Variants in CRPPA observed in about 807,000 individuals in gnomAD.
The protein encoded by CRPPA is CDP-L-ribitol pyrophosphorylase A.
In CRPPA, 43 loss-of-function variants were observed where a neutral mutation model predicts 52.0. The observed-to-expected ratio is 0.83, with a 90% CI of 0.65 to 1.07. The LOEUF (loss-of-function observed/expected upper bound fraction) is 1.07, where lower values mean the gene tolerates loss of function less well. Among genes scored for constraint, CRPPA ranks in the 50% least tolerant of loss-of-function variants. CRPPA has a pLI of 0.00. For synonymous variants in CRPPA, 250 were observed against 203.5 expected, an observed-to-expected ratio of 1.23 and a Z score of -1.94; for missense variants, 629 against 551.7, an observed-to-expected ratio of 1.14 and a Z score of -1.40.
chr7:16,168,929 C>T (rs1781121769), intron 9 of CRPPA, among the ~76,000 whole-genome samples: 1 of 152,062 alleles, frequency 6.6e-6, no homozygotes, highest in Non-Finnish European at 1.5e-5. Flanking sequence ...AACCAATGGT[C>T]CCTGAAGGGG....
chr7:16,125,252 T>C (rs1249880072), intron 9 of CRPPA, among the ~76,000 whole-genome samples: 2 of 98,162 alleles, frequency 2.0e-5, no homozygotes, highest in East Asian at 6.1e-4. Flanking sequence ...AGATGGAGAC[T>C]GTCTCAAAAA....
intron 6 of CRPPA, among the ~76,000 whole-genome samples, chr7:16,263,755 A>AT (rs894334580): frequency 9.4e-5 from 13 of 138,470 alleles, no homozygotes; most frequent in Non-Finnish European, 1.8e-4. Flanking sequence ...CCATTTCAAA[A>AT]TAAAAAAAAA....
intron 9 of CRPPA, among the ~76,000 whole-genome samples, chr7:16,158,063 T>G (rs1783223922): frequency 6.6e-6 from 1 of 151,214 alleles, no homozygotes; most frequent in African/African-American, 2.4e-5. Flanking sequence ...TTTTTTGTAT[T>G]TTAGTAGAGA....
chr7:16,204,347 C>T (rs1781921785), intron 9 of CRPPA, among the ~76,000 whole-genome samples: 1 of 151,966 alleles, frequency 6.6e-6, no homozygotes, highest in South Asian at 2.1e-4. Flanking sequence ...GGACTGGAGG[C>T]CATCATCTTA....
intron 2 of CRPPA, among the ~76,000 whole-genome samples, chr7:16,383,288 C>T (rs1480368652): frequency 6.6e-6 from 1 of 152,192 alleles, no homozygotes; most frequent in Non-Finnish European, 1.5e-5. Context: ...GTATCAGCAG[C>T]GGTGGCTGCA....
At chr7:16,342,897 G>A (rs1012299351) in intron 3 of CRPPA, among the ~76,000 whole-genome samples, 21 of 104,758 alleles carry the variant, frequency 2.0e-4, no homozygotes, top group African/African-American at 7.2e-4. Flanking sequence ...AAAATTAGCT[G>A]GATATCGTAG....
At chr7:16,368,806 C>A (rs1277007694) in intron 3 of CRPPA, among the ~76,000 whole-genome samples, 2 of 152,100 alleles carry the variant, frequency 1.3e-5, no homozygotes, top group Non-Finnish European at 2.9e-5. Context: ...AATCACCAAC[C>A]TTACACACGG....
At chr7:16,142,862 T>C (rs1198478121) in intron 9 of CRPPA, among the ~76,000 whole-genome samples, 2 of 152,174 alleles carry the variant, frequency 1.3e-5, no homozygotes, top group Non-Finnish European at 2.9e-5. Flanking sequence ...TAACTTACTT[T>C]CTTCATGTCC....
chr7:16,222,607 A>G (rs958569904), intron 8 of CRPPA, among the ~76,000 whole-genome samples: 3 of 152,146 alleles, frequency 2.0e-5, no homozygotes, highest in African/African-American at 7.2e-5. Context: ...GAAATTAATA[A>G]TACAAATAAA....
intron 2 of CRPPA, among the ~76,000 whole-genome samples, chr7:16,386,830 G>A (rs558004557): frequency 6.6e-6 from 1 of 151,748 alleles, no homozygotes; most frequent in South Asian, 2.1e-4. Context: ...AGACCAGCCT[G>A]GCCAACAGGG....
intron 9 of CRPPA, among the ~76,000 whole-genome samples, chr7:16,167,827 G>A (rs1389524550): frequency 1.3e-5 from 2 of 152,020 alleles, no homozygotes; most frequent in African/African-American, 4.8e-5. Flanking sequence ...TATTCTTAAC[G>A]AAGTTGTCCT....
chr7:16,152,534 C>T (rs952418328), intron 9 of CRPPA, among the ~76,000 whole-genome samples: 3 of 151,860 alleles, frequency 2.0e-5, no homozygotes, highest in Non-Finnish European at 4.4e-5. Flanking sequence ...TGCTAATTAT[C>T]TTATTATTTT....
chr7:16,197,411 T>C (rs1781762827), intron 9 of CRPPA, among the ~76,000 whole-genome samples: 1 of 152,128 alleles, frequency 6.6e-6, no homozygotes, highest in African/African-American at 2.4e-5. Context: ...AATCATGGCT[T>C]ACTGCAGCCT....
At chr7:16,386,440 T>C (rs1787273020) in intron 2 of CRPPA, among the ~76,000 whole-genome samples, 1 of 152,174 alleles carries the variant, frequency 6.6e-6, no homozygotes, top group Admixed American at 6.5e-5. Context: ...TTTAGGACCA[T>C]GAGTTTCTAG....
Position 16,132,257 on chromosome 7 carries a change from G to A in CRPPA, c.1252-40458C>T, listed in dbSNP as rs1198804246. On this transcript the variant is annotated intron_variant, in intron 9 of 9. Coordinates refer to ENST00000407010, the MANE Select transcript of CRPPA (RefSeq NM_001101426.4). ...TTCTATTATCCGCTTTCAGAGTGGT[G>A]ATGTCCATCGTATGCCTGTAACATT... 4.2e-5 allele frequency among the ~76,000 whole-genome samples: 4 copies of A among 94,192 alleles called. 1 individual carries two copies. Among genetic ancestry groups the A allele is most frequent in the Admixed American group, 1.1e-4 (1 of 9,286 alleles). 61.8% of individuals were successfully genotyped at this position (94,192 alleles called of 152,430 possible).
At chr7:16,314,593 C>T (rs1210489176) in intron 3 of CRPPA, among the ~76,000 whole-genome samples, 2 of 152,124 alleles carry the variant, frequency 1.3e-5, no homozygotes, top group East Asian at 3.9e-4. Context: ...TTTTACAAGG[C>T]AGGTCTACTG....
chr7:16,165,914 A>T (rs1357330917), intron 9 of CRPPA, among the ~76,000 whole-genome samples: 2 of 152,338 alleles, frequency 1.3e-5, no homozygotes, highest in East Asian at 1.9e-4. Flanking sequence ...AAGACTGTGG[A>T]GCTCTAGCTA....
At chr7:16,242,299 A>C (rs1173570270) in intron 8 of CRPPA, among the ~76,000 whole-genome samples, 2 of 151,856 alleles carry the variant, frequency 1.3e-5, no homozygotes, top group African/African-American at 4.8e-5. Flanking sequence ...AATTTTATGA[A>C]TTTACCTTTT....
chr7:16,202,470 G>C (rs1347043578), intron 9 of CRPPA, among the ~76,000 whole-genome samples: 3 of 152,118 alleles, frequency 2.0e-5, no homozygotes, highest in Non-Finnish European at 2.9e-5. Flanking sequence ...CAGTCACTGA[G>C]GGCCTACACT....
Sources: allele counts gnomAD v4.1 joint callset (sites outside exome capture counted in the v4.1 genomes callset), GRCh38; gene constraint gnomAD v4.1.1; transcripts MANE v1.5; gene names NCBI Gene and HGNC (gene_info 2026-07-23, HGNC 2026-07-21).